The following PALS1 variants were observed in gnomAD, a reference collection of about 807,000 sequenced individuals.
The protein encoded by PALS1 is protein associated with LIN7 1, MAGUK p55 family member.
A neutral mutation model predicts 78.9 loss-of-function variants in PALS1; 31 were observed. The observed-to-expected ratio is 0.39, with a 90% CI of 0.30 to 0.53. The LOEUF (loss-of-function observed/expected upper bound fraction) is 0.53, where lower values mean the gene tolerates loss of function less well. Among genes scored for constraint, PALS1 ranks in the 20% least tolerant of loss-of-function variants. The pLI is 0.67. For synonymous variants in PALS1, 276 were observed against 270.9 expected, an observed-to-expected ratio of 1.02 and a Z score of -0.18; for missense variants, 704 against 826.5, an observed-to-expected ratio of 0.85 and a Z score of 1.82.
At chr14:67,258,813 T>C (rs998743993) in intron 1 of PALS1, among the ~76,000 whole-genome samples, 1 of 152,194 alleles carries the variant, frequency 6.6e-6, no homozygotes. Flanking sequence ...TTAATCATTC[T>C]TTTCTTTTTT....
intron 9 of PALS1, among the ~76,000 whole-genome samples, chr14:67,314,171 A>G (rs969289918): frequency 6.6e-6 from 1 of 151,422 alleles, no homozygotes; most frequent in Non-Finnish European, 1.5e-5. Flanking sequence ...GACAACAAGC[A>G]ATAGTTTAGG....
intron 8 of PALS1, 39 bp from the exon 9 acceptor site, chr14:67,312,488 T>G (rs747744552): frequency 5.0e-6 from 7 of 1,389,460 alleles, no homozygotes; most frequent in Non-Finnish European, 6.7e-6. Flanking sequence ...ACATTTTATA[T>G]TGCCATTTAT....
At chr14:67,280,852 CT>C (rs1433539426) in intron 3 of PALS1, among the ~76,000 whole-genome samples, 1 of 125,306 alleles carries the variant, frequency 8.0e-6, no homozygotes, top group Non-Finnish European at 1.6e-5. Flanking sequence ...TCCTTCCTTC[CT>C]TCCCTCCCTC....
chr14:67,316,984 C>A, intron 10 of PALS1, 81 bp downstream of exon 10: 2 of 1,063,156 alleles, frequency 1.9e-6, no homozygotes, highest in Non-Finnish European at 2.8e-6. Context: ...ATATTAGAAC[C>A]GTGAAGAAGT....
chr14:67,329,308 G>T (rs1276187530), intron 14 of PALS1, among the ~76,000 whole-genome samples: 1 of 152,176 alleles, frequency 6.6e-6, no homozygotes, highest in Non-Finnish European at 1.5e-5. Context: ...GAATGCTTGT[G>T]ATTTCTGCAC....
rs562863023 is a variant in PALS1 at position 67,274,053 on chromosome 14, T to C, written c.-154+4270T>C. Among the ~76,000 whole-genome samples, 9 of 152,314 alleles carry C rather than the reference T, an allele frequency of 5.9e-5. No individual in the cohort carries two copies. The South Asian group carries it at 1.9e-3, about 32-fold the overall frequency. ...TGTCAGATGGGTAGACGGTGAAAAT[T>C]TTCTCCCATTCTGTAGGTTGCCTGT... On this transcript the variant is annotated intron_variant, in intron 2 of 14. Coordinates refer to ENST00000261681, the MANE Select transcript of PALS1 (RefSeq NM_022474.4).
chr14:67,284,718 A>C (rs915221026), intron 3 of PALS1, among the ~76,000 whole-genome samples: 1 of 151,786 alleles, frequency 6.6e-6, no homozygotes, highest in Non-Finnish European at 1.5e-5. Context: ...TATTCTAGAC[A>C]TTTTATATGA....
At chr14:67,322,032 T>C (rs1421891459) in intron 13 of PALS1, among the ~76,000 whole-genome samples, 1 of 152,204 alleles carries the variant, frequency 6.6e-6, no homozygotes, top group Non-Finnish European at 1.5e-5. Context: ...GTTTCACTTA[T>C]TTGGCAGACT....
chr14:67,267,423 TAA>T (rs2084346541), intron 1 of PALS1, among the ~76,000 whole-genome samples: 1 of 151,948 alleles, frequency 6.6e-6, no homozygotes, highest in Non-Finnish European at 1.5e-5. Context: ...CACACCTGGC[TAA>T]TTTTTAGTAG....
At chr14:67,293,525 A>G (rs1481883946) in intron 4 of PALS1, among the ~76,000 whole-genome samples, 2 of 152,206 alleles carry the variant, frequency 1.3e-5, no homozygotes, top group African/African-American at 4.8e-5. Context: ...AGATTAGCAC[A>G]TAATTGTCCC....
At chr14:67,293,773 C>A (rs183572058) in intron 4 of PALS1, among the ~76,000 whole-genome samples, 74 of 152,242 alleles carry the variant, frequency 4.9e-4, no homozygotes, top group Non-Finnish European at 8.1e-4. Context: ...GGTTTCAAAT[C>A]CGGTTGGGAA....
intron 11 of PALS1, among the ~76,000 whole-genome samples, chr14:67,319,610 TAAAAA>T (rs11366985): frequency 4.7e-5 from 6 of 128,608 alleles, no homozygotes; most frequent in African/African-American, 1.6e-4. Context: ...GCTGATGAGC[TAAAAA>T]AAAAAAAAAA....
At chr14:67,252,461 A>G (rs1411347024) in intron 1 of PALS1, among the ~76,000 whole-genome samples, 2 of 152,152 alleles carry the variant, frequency 1.3e-5, no homozygotes, top group Non-Finnish European at 2.9e-5. Flanking sequence ...AGCATTTAGC[A>G]AACTATTGAA....
chr14:67,295,937 C>CA (rs758832564), intron 4 of PALS1, among the ~76,000 whole-genome samples: 2 of 151,274 alleles, frequency 1.3e-5, no homozygotes, highest in African/African-American at 2.4e-5. Flanking sequence ...TAATAGAAAC[C>CA]AAAAAAAACC....
chr14:67,312,512 CT>C lies in PALS1; in HGVS notation c.1042-10del. On this transcript the variant is annotated splice_polypyrimidine_tract_variant and intron_variant, in intron 8 of 14. Transcript: ENST00000261681. The stretch of plus-strand genomic sequence containing the variant: ...ATTGCCATTTATTGTTGTTTTTGCC[CT>C]TTTTATCTTTTAGATCCATGTAAAA... 4 of 1,499,884 alleles carry C rather than the reference CT, an allele frequency of 2.7e-6. No homozygotes were observed. The highest frequency in any genetic ancestry group is 1.5e-5 in the South Asian group (1 of 68,178). 92.9% of individuals were successfully genotyped at this position (1,499,884 alleles called of 1,614,324 possible).
intron 2 of PALS1, among the ~76,000 whole-genome samples, chr14:67,274,479 A>G (rs532392311): frequency 7.9e-5 from 12 of 151,978 alleles, no homozygotes; most frequent in Admixed American, 2.0e-4. Flanking sequence ...CCATTGGTCT[A>G]TATCTCTGTT....
intron 3 of PALS1, among the ~76,000 whole-genome samples, chr14:67,282,225 C>CA (rs2084617256): frequency 6.6e-6 from 1 of 152,040 alleles, no homozygotes; most frequent in Non-Finnish European, 1.5e-5. Context: ...TCATAATCTG[C>CA]TAACACATCA....
At chr14:67,332,721 A>G (rs1380720037) in intron 14 of PALS1, 59 bp from the exon 15 acceptor site, 13 of 1,523,258 alleles carry the variant, frequency 8.5e-6, no homozygotes, top group African/African-American at 1.4e-5. Context: ...TCTCTGACTC[A>G]TCCTATATTA....
At chr14:67,305,360 G>C (rs906726692) in intron 8 of PALS1, among the ~76,000 whole-genome samples, 2 of 151,960 alleles carry the variant, frequency 1.3e-5, no homozygotes, top group Non-Finnish European at 2.9e-5. Context: ...GACTCCTGCA[G>C]CCTTGACTGC....
Sources: allele counts gnomAD v4.1 joint callset (sites outside exome capture counted in the v4.1 genomes callset), GRCh38; gene constraint gnomAD v4.1.1; transcripts MANE v1.5; gene names NCBI Gene and HGNC (gene_info 2026-07-23, HGNC 2026-07-21).